PARD3: variants seen among roughly 807,000 people sequenced by gnomAD.
The protein encoded by PARD3 is partitioning defective 3 homolog.
PARD3 carries 75 observed loss-of-function variants against 155.4 expected under a neutral mutation model. The ratio of observed to expected loss-of-function variants is 0.48; its 90% CI spans 0.40 to 0.58. The LOEUF (loss-of-function observed/expected upper bound fraction) is 0.58, where lower values mean the gene tolerates loss of function less well. PARD3 is among the 20% of genes least tolerant of loss of function. PARD3 has a pLI of 0.00. For missense variants in PARD3, 1,642 were observed against 1,721.7 expected (o/e 0.95, Z 0.82); for synonymous variants, 576 against 610.5 (o/e 0.94, Z 0.83).
intron 1 of PARD3, among the ~76,000 whole-genome samples, chr10:34,744,164 C>A (rs577333997): frequency 1.3e-5 from 2 of 152,264 alleles, no homozygotes; most frequent in South Asian, 4.1e-4. Context: ...TCCATGGTGT[C>A]CCTTAGAAAT....
intron 22 of PARD3, among the ~76,000 whole-genome samples, chr10:34,220,798 G>A (rs773886680): frequency 6.6e-6 from 1 of 152,272 alleles, no homozygotes; most frequent in African/African-American, 2.4e-5. Context: ...TAAAGGTATG[G>A]TTCTATGATT....
At chr10:34,341,382 G>C (rs1836814286) in intron 16 of PARD3, among the ~76,000 whole-genome samples, 1 of 152,096 alleles carries the variant, frequency 6.6e-6, no homozygotes, top group Non-Finnish European at 1.5e-5. Context: ...AATGAGCACG[G>C]TTTTTTGACT....
rs1429014834 is a variant in PARD3 at position 34,336,306 on chromosome 10, C to T, written c.2561-63G>A. ...GTTCCCATAGCCCACCATGCTTCCA[C>T]CATTCCCAGATCTTTTTAGTTAGGT... On this transcript the variant is annotated intron_variant, in intron 17 of 24. Transcript: ENST00000374788. The T allele has an allele frequency of 3.3e-6, 4 of 1,227,744 alleles. No homozygotes were observed. The East Asian group carries it at 7.1e-5, about 22-fold the overall frequency. 76.1% of individuals were successfully genotyped at this position (1,227,744 alleles called of 1,614,324 possible).
intron 2 of PARD3, among the ~76,000 whole-genome samples, chr10:34,598,075 C>A (rs10827384): frequency 6.6e-6 from 1 of 151,946 alleles, no homozygotes; most frequent in Non-Finnish European, 1.5e-5. Flanking sequence ...ACAACTGTTA[C>A]GCCTAAGTGT....
rs754014389 is a variant in PARD3 at position 34,446,958 on chromosome 10, A to G, written c.714+3359T>C. On this transcript the variant is annotated intron_variant, in intron 5 of 24. Coordinates refer to ENST00000374788, the MANE Select transcript of PARD3 (RefSeq NM_001184785.2). ...CAATTTATTCCAGCATTTAGTCAAC[A>G]AAATCATTAATAATTTTAAAAATTA... Among the ~76,000 whole-genome samples, 208 of 152,252 alleles carry G rather than the reference A, an allele frequency of 1.4e-3. 1 individual carries two copies. Among genetic ancestry groups the G allele is most frequent in the Non-Finnish European group, 2.6e-3 (179 of 68,050 alleles).
chr10:34,371,407 G>A (rs1840596041), intron 12 of PARD3, among the ~76,000 whole-genome samples: 1 of 141,094 alleles, frequency 7.1e-6, no homozygotes, highest in South Asian at 2.3e-4. Context: ...TTAGAATTGT[G>A]GAATATTTAT....
In PARD3 at chr10:34,716,224, T is replaced by C. The variant is rs112986836; in HGVS notation, c.121-19805A>G. On this transcript the variant is annotated intron_variant, in intron 1 of 24. Transcript: ENST00000374788. ...GTGTGCCTTCAGTTTATTTAAGAAA[T>C]TATGGTACATGGTGTCTCAGAAAAA... 5.5e-3 allele frequency among the ~76,000 whole-genome samples: 844 copies of C among 152,320 alleles called. 8 individuals carry two copies. Among genetic ancestry groups the C allele is most frequent in the African/African-American group, 0.019 (801 of 41,576 alleles).
At chr10:34,157,384 T>C (rs34624059) in intron 22 of PARD3, among the ~76,000 whole-genome samples, 4,111 of 152,322 alleles carry the variant, frequency 0.027, 79 homozygotes, top group Non-Finnish European at 0.04. Context: ...GCCAGTCATA[T>C]TCACCTTTGT....
chr10:34,121,539 G>A (rs1164038580), intron 23 of PARD3, among the ~76,000 whole-genome samples: 1 of 152,208 alleles, frequency 6.6e-6, no homozygotes, highest in Non-Finnish European at 1.5e-5. Context: ...ACATTCATTT[G>A]GCGAGCTGTA....
intron 22 of PARD3, among the ~76,000 whole-genome samples, chr10:34,182,338 T>A (rs1167298993): frequency 6.6e-6 from 1 of 152,248 alleles, no homozygotes; most frequent in African/African-American, 2.4e-5. Context: ...CTACATATAC[T>A]AGTTAACTCG....
chr10:34,426,476 G>C (rs2075612461), intron 5 of PARD3, among the ~76,000 whole-genome samples: 1 of 152,128 alleles, frequency 6.6e-6, no homozygotes, highest in Non-Finnish European at 1.5e-5. Context: ...ATAAGGAAAA[G>C]AGAACCAAAA....
At chr10:34,340,343 GCTA>G (rs1325907227) in intron 16 of PARD3, among the ~76,000 whole-genome samples, 2 of 152,126 alleles carry the variant, frequency 1.3e-5, no homozygotes, top group East Asian at 1.9e-4. Context: ...CTCTGTTGTT[GCTA>G]CTTTCATTTT....
chr10:34,615,987 C>T (rs751414279), intron 2 of PARD3, among the ~76,000 whole-genome samples: 7 of 152,136 alleles, frequency 4.6e-5, no homozygotes, highest in Non-Finnish European at 1.0e-4. Context: ...TTCTTGTGCA[C>T]CCCTGGTGGG....
intron 2 of PARD3, among the ~76,000 whole-genome samples, chr10:34,585,921 A>G (rs1179828655): frequency 6.6e-6 from 1 of 152,196 alleles, no homozygotes; most frequent in East Asian, 1.9e-4. Context: ...GTCATCAATT[A>G]CATATTTTGA....
chr10:34,541,516 CAAG>C (rs988226643), intron 2 of PARD3, among the ~76,000 whole-genome samples: 1 of 152,098 alleles, frequency 6.6e-6, no homozygotes, highest in Non-Finnish European at 1.5e-5. Flanking sequence ...CCCTGAAGCC[CAAG>C]AAGGCACAAC....
chr10:34,525,190 G>C (rs2082392702), intron 2 of PARD3, among the ~76,000 whole-genome samples: 1 of 152,164 alleles, frequency 6.6e-6, no homozygotes, highest in Admixed American at 6.5e-5. Context: ...ACTCGCTACA[G>C]AACAAGAATC....
intron 2 of PARD3, among the ~76,000 whole-genome samples, chr10:34,621,955 A>G (rs1163629045): frequency 6.6e-6 from 1 of 152,238 alleles, no homozygotes; most frequent in Non-Finnish European, 1.5e-5. Flanking sequence ...AAGAGTTATC[A>G]ATCAATACGT....
At chr10:34,254,127 A>T (rs978244678) in intron 22 of PARD3, among the ~76,000 whole-genome samples, 1 of 152,222 alleles carries the variant, frequency 6.6e-6, no homozygotes, top group African/African-American at 2.4e-5. Context: ...CACTCCTATA[A>T]TTCCAGCACT....
chr10:34,682,477 A>C (rs2093861391), intron 2 of PARD3, among the ~76,000 whole-genome samples: 1 of 152,212 alleles, frequency 6.6e-6, no homozygotes, highest in African/African-American at 2.4e-5. Flanking sequence ...CATAGAAATA[A>C]AAAAATAAGT....
Sources: gnomAD v4.1 joint callset for allele counts (sites outside exome capture counted in the v4.1 genomes callset) on GRCh38, gnomAD v4.1.1 for gene constraint, MANE v1.5 for transcripts, NCBI Gene and HGNC (gene_info 2026-07-23, HGNC 2026-07-21) for gene names.